MAGI1: variants seen among roughly 807,000 people sequenced by gnomAD.
MAGI1 encodes the protein membrane-associated guanylate kinase, WW and PDZ domain-containing protein 1.
In MAGI1, 58 loss-of-function variants were observed where a neutral mutation model predicts 139.9. That is an observed-to-expected ratio of 0.41 (90% CI 0.34 to 0.52). MAGI1 has a LOEUF of 0.52. Among genes scored for constraint, MAGI1 ranks in the 20% least tolerant of loss-of-function variants. The pLI, the probability that MAGI1 is intolerant of heterozygous loss-of-function variation, is 0.12. For synonymous variants in MAGI1, 812 were observed against 737.9 expected, an observed-to-expected ratio of 1.10 and a Z score of -1.63; for missense variants, 1,874 against 1,901.6, an observed-to-expected ratio of 0.99 and a Z score of 0.27.
At chr3:65,715,423 A>G (rs896501143) in intron 1 of MAGI1, among the ~76,000 whole-genome samples, 1 of 152,196 alleles carries the variant, frequency 6.6e-6, no homozygotes, top group African/African-American at 2.4e-5. Flanking sequence ...ATATATGCCA[A>G]AAGCTCAGAA....
At chr3:65,850,135 T>G (rs920811295) in intron 1 of MAGI1, among the ~76,000 whole-genome samples, 5 of 152,158 alleles carry the variant, frequency 3.3e-5, no homozygotes, top group Non-Finnish European at 5.9e-5. Flanking sequence ...ACCCTATTTC[T>G]TTATATATAT....
chr3:65,637,292 C>A (rs1434068099), intron 1 of MAGI1, among the ~76,000 whole-genome samples: 2 of 152,028 alleles, frequency 1.3e-5, no homozygotes, highest in Non-Finnish European at 2.9e-5. Flanking sequence ...GTGGCTCCTG[C>A]CTGTAATCTC....
At chr3:65,993,022 G>GGTC (rs1392540899) in intron 1 of MAGI1, among the ~76,000 whole-genome samples, 1 of 151,680 alleles carries the variant, frequency 6.6e-6, no homozygotes, top group East Asian at 1.9e-4. Context: ...GTAGAGGCAG[G>GGTC]GTCTCACTAT....
intron 9 of MAGI1, among the ~76,000 whole-genome samples, chr3:65,437,467 G>T (rs1416842929): frequency 6.7e-6 from 1 of 149,042 alleles, no homozygotes. Flanking sequence ...TAATGAATAA[G>T]AACTCCAGTT....
At position 65,442,863 on chromosome 3, in the gene MAGI1, G is replaced by C; in HGVS notation, c.1079-14C>G. On this transcript the variant is annotated splice_polypyrimidine_tract_variant and intron_variant, in intron 7 of 22. Transcript: ENST00000402939. ...CAGCAGGCAGTTCTGAAAAATAAAA[G>C]AACATTTAGGGCAAGAAGAGCATAT... is the stretch of plus-strand genomic sequence containing the variant. 6.2e-7 allele frequency: 1 copy of C among 1,607,804 alleles called. No individual in the cohort carries two copies. Among genetic ancestry groups the C allele is most frequent in the South Asian group, 1.1e-5 (1 of 90,958 alleles).
At chr3:65,636,180 A>G (rs1340845622) in intron 1 of MAGI1, among the ~76,000 whole-genome samples, 1 of 152,164 alleles carries the variant, frequency 6.6e-6, no homozygotes, top group Non-Finnish European at 1.5e-5. Context: ...GTTGTGTACA[A>G]AACAAGTTCT....
chr3:65,733,184 G>A (rs185705478), intron 1 of MAGI1, among the ~76,000 whole-genome samples: 10 of 151,992 alleles, frequency 6.6e-5, no homozygotes, highest in South Asian at 2.1e-4. Flanking sequence ...TCAGCCTCCC[G>A]AGTAGCTGGG....
chr3:65,988,469 T>C (rs1366007734), intron 1 of MAGI1, among the ~76,000 whole-genome samples: 1 of 152,176 alleles, frequency 6.6e-6, no homozygotes, highest in Non-Finnish European at 1.5e-5. Flanking sequence ...GCAAGATTTC[T>C]ACTAACAACG....
At chr3:66,030,530 G>A (rs541015491) in intron 1 of MAGI1, among the ~76,000 whole-genome samples, 1 of 152,286 alleles carries the variant, frequency 6.6e-6, no homozygotes, top group South Asian at 2.1e-4. Context: ...TACATACTAT[G>A]GAGTAAAATA....
At chr3:65,785,574 T>C (rs2039314205) in intron 1 of MAGI1, among the ~76,000 whole-genome samples, 1 of 152,210 alleles carries the variant, frequency 6.6e-6, no homozygotes, top group Admixed American at 6.5e-5. Context: ...TAAAATTCAG[T>C]GAGATAATAT....
At chr3:65,499,106 T>C (rs1245435354) in intron 2 of MAGI1, 6 of 832,320 alleles carry the variant, frequency 7.2e-6, no homozygotes, top group African/African-American at 1.9e-5. Context: ...AAAAACTATC[T>C]AGTCAACTCC....
intron 1 of MAGI1, among the ~76,000 whole-genome samples, chr3:65,908,993 G>T (rs1361988846): frequency 6.6e-6 from 1 of 152,134 alleles, no homozygotes; most frequent in Non-Finnish European, 1.5e-5. Context: ...TTCTAGTTGT[G>T]ATCAAATAAC....
chr3:65,961,574 G>C (rs1470656511), intron 1 of MAGI1, among the ~76,000 whole-genome samples: 4 of 151,986 alleles, frequency 2.6e-5, no homozygotes, highest in Non-Finnish European at 4.4e-5. Flanking sequence ...TGCTATGCAG[G>C]GTATCTTAGA....
intron 1 of MAGI1, among the ~76,000 whole-genome samples, chr3:65,845,977 C>G (rs1386194098): frequency 7.9e-5 from 12 of 152,142 alleles, no homozygotes; most frequent in Admixed American, 7.9e-4. Flanking sequence ...GACAGCCGGG[C>G]TAAAAAAGCT....
chr3:65,722,927 T>C (rs1160520139), intron 1 of MAGI1, among the ~76,000 whole-genome samples: 1 of 151,694 alleles, frequency 6.6e-6, no homozygotes, highest in African/African-American at 2.4e-5. Flanking sequence ...ACTTGAATAC[T>C]ACCTTTGATT....
intron 1 of MAGI1, among the ~76,000 whole-genome samples, chr3:65,745,312 C>T (rs1436102019): frequency 6.6e-6 from 1 of 151,928 alleles, no homozygotes. Flanking sequence ...GACAGTGCCC[C>T]CAGAATGGCA....
At chr3:65,920,005 G>A (rs2062097186) in intron 1 of MAGI1, among the ~76,000 whole-genome samples, 1 of 152,180 alleles carries the variant, frequency 6.6e-6, no homozygotes, top group African/African-American at 2.4e-5. Flanking sequence ...CAGGTCCGAT[G>A]TTTAAATTCA....
intron 2 of MAGI1, among the ~76,000 whole-genome samples, chr3:65,567,208 T>C (rs2080702995): frequency 6.6e-6 from 1 of 151,918 alleles, no homozygotes; most frequent in South Asian, 2.1e-4. Context: ...TTTTTTTAGA[T>C]ATATTAATTA....
chr3:65,389,004 C>A (rs1465050840), intron 14 of MAGI1, among the ~76,000 whole-genome samples: 1 of 151,744 alleles, frequency 6.6e-6, no homozygotes, highest in South Asian at 2.1e-4. Flanking sequence ...CCACCACACC[C>A]GGCTAATTTT....
Sources: allele counts gnomAD v4.1 joint callset (sites outside exome capture counted in the v4.1 genomes callset), GRCh38; gene constraint gnomAD v4.1.1; transcripts MANE v1.5; gene names NCBI Gene and HGNC (gene_info 2026-07-23, HGNC 2026-07-21).